TEAD4: variants seen among roughly 807,000 people sequenced by gnomAD.
TEAD4 encodes the protein TEA domain transcription factor 4, also known as transcriptional enhancer factor TEF-3.
TEAD4 carries 36 observed loss-of-function variants against 52.4 expected under a neutral mutation model. That is an observed-to-expected ratio of 0.69 (90% CI 0.53 to 0.91). The LOEUF (loss-of-function observed/expected upper bound fraction) is 0.91. Ranked by LOEUF, TEAD4 falls within the 40% of genes least tolerant of loss-of-function variation. The pLI, the probability that TEAD4 is intolerant of heterozygous loss-of-function variation, is 0.00. For missense variants in TEAD4, 508 were observed against 583.9 expected (o/e 0.87, Z 1.34); for synonymous variants, 220 against 231.0 (o/e 0.95, Z 0.43).
intron 8 of TEAD4, 114 bp from the exon 9 acceptor site, chr12:3,020,520 G>A: frequency 3.1e-6 from 4 of 1,283,150 alleles, no homozygotes; most frequent in Non-Finnish European, 4.1e-6. Context: ...AGGGAGACAG[G>A]CGGTCCCCCC....
chr12:2,961,545 G>C (rs957798726), intron 2 of TEAD4, among the ~76,000 whole-genome samples: 12 of 152,082 alleles, frequency 7.9e-5, no homozygotes, highest in African/African-American at 2.9e-4. Flanking sequence ...AAAGGGCACA[G>C]GTTTGGGGTC....
intron 2 of TEAD4, among the ~76,000 whole-genome samples, chr12:2,985,415 A>G (rs765050871): frequency 6.6e-6 from 1 of 151,698 alleles, no homozygotes; most frequent in Non-Finnish European, 1.5e-5. Context: ...AACAAAACCC[A>G]AAAACGCAAA....
intron 2 of TEAD4, among the ~76,000 whole-genome samples, chr12:2,974,222 C>G (rs183675078): frequency 2.6e-5 from 4 of 152,236 alleles, no homozygotes; most frequent in South Asian, 2.1e-4. Flanking sequence ...AGGTTGGTCT[C>G]GAACTGTTGA....
At chr12:3,005,485 T>A (rs2098255112) in intron 3 of TEAD4, among the ~76,000 whole-genome samples, 1 of 151,122 alleles carries the variant, frequency 6.6e-6, no homozygotes, top group East Asian at 1.9e-4. Flanking sequence ...TTTTATTATT[T>A]TTATTTATTT....
At chr12:2,979,510 G>A (rs1183300506) in intron 2 of TEAD4, among the ~76,000 whole-genome samples, 1 of 152,198 alleles carries the variant, frequency 6.6e-6, no homozygotes, top group African/African-American at 2.4e-5. Flanking sequence ...ACCTCAGCTG[G>A]GAGCGTGCGC....
At chr12:3,020,900 C>A in intron 9 of TEAD4, 127 bp downstream of exon 9, 1 of 1,040,168 alleles carries the variant, frequency 9.6e-7, no homozygotes. Flanking sequence ...CCGATCTTCC[C>A]TTCTGCCCTT....
chr12:2,969,513 A>T (rs1307531337), intron 2 of TEAD4, among the ~76,000 whole-genome samples: 1 of 152,154 alleles, frequency 6.6e-6, no homozygotes, highest in Non-Finnish European at 1.5e-5. Flanking sequence ...CCTGCATGGG[A>T]AAGGACTAGG....
chr12:2,971,574 C>A (rs1182132066), intron 2 of TEAD4, among the ~76,000 whole-genome samples: 1 of 151,662 alleles, frequency 6.6e-6, no homozygotes, highest in Non-Finnish European at 1.5e-5. Context: ...CTCCCGGGTT[C>A]ATGCCATTCT....
intron 10 of TEAD4, among the ~76,000 whole-genome samples, chr12:3,029,459 C>T (rs1018720333): frequency 1.5e-4 from 23 of 151,984 alleles, no homozygotes; most frequent in Admixed American, 1.3e-4. Context: ...AGGATGGTCT[C>T]GATCTCCTGA....
At chr12:2,980,393 C>T (rs572008310) in intron 2 of TEAD4, among the ~76,000 whole-genome samples, 1 of 152,314 alleles carries the variant, frequency 6.6e-6, no homozygotes, top group East Asian at 1.9e-4. Context: ...TTGCATCCCT[C>T]GTGCTGCAGA....
intron 2 of TEAD4, among the ~76,000 whole-genome samples, chr12:2,972,491 C>CTTTTTTTTTT (rs751852771): frequency 2.9e-5 from 1 of 34,750 alleles, no homozygotes; most frequent in Non-Finnish European, 4.8e-5. Context: ...CAGCATGTCT[C>CTTTTTTTTTT]TTTTTTTTTT....
At chr12:3,036,375 A>G (rs7137485) in intron 10 of TEAD4, among the ~76,000 whole-genome samples, 171 of 152,154 alleles carry the variant, frequency 1.1e-3, no homozygotes, top group African/African-American at 3.1e-3. Flanking sequence ...ATCAACACCC[A>G]CCGCCAGTCT....
At chr12:2,980,086 G>A (rs189301535) in intron 2 of TEAD4, among the ~76,000 whole-genome samples, 2 of 152,262 alleles carry the variant, frequency 1.3e-5, no homozygotes, top group Admixed American at 6.5e-5. Context: ...GGCCTGAGAT[G>A]TAGTTCTAGT....
At chr12:3,010,751 G>A (rs1032788524) in intron 3 of TEAD4, among the ~76,000 whole-genome samples, 4 of 152,220 alleles carry the variant, frequency 2.6e-5, no homozygotes, top group South Asian at 2.1e-4. Context: ...CAGGCTGTGC[G>A]TGGTTGGTGG....
chr12:2,974,881 C>T (rs1324944957), intron 2 of TEAD4, among the ~76,000 whole-genome samples: 1 of 152,140 alleles, frequency 6.6e-6, no homozygotes, highest in East Asian at 1.9e-4. Context: ...AGTGTGCTGG[C>T]TTTGACGGAA....
At chr12:2,995,131 T>G in intron 3 of TEAD4, 139 bp downstream of exon 3, 48 of 984,774 alleles carry the variant, frequency 4.9e-5, no homozygotes, top group Middle Eastern at 2.8e-4. Flanking sequence ...TCTTCCCTCC[T>G]GGGCTCCCAA....
intron 10 of TEAD4, among the ~76,000 whole-genome samples, chr12:3,028,262 A>G (rs1437767166): frequency 6.6e-6 from 1 of 152,294 alleles, no homozygotes; most frequent in South Asian, 2.1e-4. Flanking sequence ...GAGTAGTGCT[A>G]CTGTGAACAT....
intron 4 of TEAD4, 128 bp from the exon 5 acceptor site, chr12:3,012,042 T>TTTCA (rs1291535401): frequency 2.0e-5 from 18 of 900,904 alleles, no homozygotes; most frequent in East Asian, 8.0e-5. Flanking sequence ...CAGTTGACCC[T>TTTCA]TTCATTCATT....
intron 2 of TEAD4, among the ~76,000 whole-genome samples, chr12:2,979,040 C>T (rs10848759): frequency 0.71 from 107,576 of 151,908 alleles, 41,147 homozygotes; most frequent in Non-Finnish European, 0.86. Flanking sequence ...CTCAACCTCC[C>T]GAGTAGCTGG....
Sources: gnomAD v4.1 joint callset for allele counts (sites outside exome capture counted in the v4.1 genomes callset) on GRCh38, gnomAD v4.1.1 for gene constraint, MANE v1.5 for transcripts, NCBI Gene and HGNC (gene_info 2026-07-23, HGNC 2026-07-21) for gene names.